SH3PXD2A: variants seen among roughly 807,000 people sequenced by gnomAD.
SH3PXD2A encodes SH3 and PX domain-containing protein 2A.
In SH3PXD2A, 32 loss-of-function variants were observed where a neutral mutation model predicts 115.2. The observed-to-expected ratio is 0.28, with a 90% CI of 0.21 to 0.37. SH3PXD2A has a LOEUF of 0.37. SH3PXD2A is among the 10% of genes least tolerant of loss of function. The pLI is 1.00. For synonymous variants in SH3PXD2A, 610 were observed against 629.1 expected, an observed-to-expected ratio of 0.97 and a Z score of 0.45; for missense variants, 1,328 against 1,498.7, an observed-to-expected ratio of 0.89 and a Z score of 1.88.
Position 103,855,246 on chromosome 10 carries a change from C to G in SH3PXD2A, c.21G>C (p.Gln7His). The part of the protein sequence containing the change: MLAYCV[Q>H]DATVVDVEKR... ...TCTCCACGTCCACCACGGTGGCATC[C>G]TGCACGCAGTAGGCGAGCATCTTCC... Residue 7 changes from glutamine (Q) to histidine (H), a missense_variant, in exon 1 of 15, where the codon CAG becomes CAC. Coordinates refer to ENST00000369774, the MANE Select transcript of SH3PXD2A (RefSeq NM_001394015.1). The G allele has an allele frequency of 6.5e-7, 1 of 1,536,004 alleles. No homozygotes were observed. The highest frequency in any genetic ancestry group is 8.8e-7 in the Non-Finnish European group (1 of 1,139,458).
At chr10:103,671,668 C>A (rs2134084408) in intron 6 of SH3PXD2A, among the ~76,000 whole-genome samples, 1 of 152,160 alleles carries the variant, frequency 6.6e-6, no homozygotes, top group Non-Finnish European at 1.5e-5. Flanking sequence ...CCCTGGCTCA[C>A]AAACCCTGGC....
chr10:103,826,443 G>A (rs1328448658), intron 1 of SH3PXD2A, among the ~76,000 whole-genome samples: 5 of 152,176 alleles, frequency 3.3e-5, no homozygotes, highest in Admixed American at 6.5e-5. Flanking sequence ...CCTTAAGGAG[G>A]CTGCACCTGT....
At chr10:103,710,725 A>C (rs1208450254) in intron 5 of SH3PXD2A, among the ~76,000 whole-genome samples, 1 of 152,060 alleles carries the variant, frequency 6.6e-6, no homozygotes, top group Non-Finnish European at 1.5e-5. Flanking sequence ...TATTGGGGTG[A>C]GAGGTGGGGA....
chr10:103,611,967 G>GC (rs1243393985), intron 12 of SH3PXD2A, among the ~76,000 whole-genome samples: 29 of 152,312 alleles, frequency 1.9e-4, no homozygotes, highest in Non-Finnish European at 3.4e-4. Flanking sequence ...GACCATGTCT[G>GC]TTTTTTGCTT....
At chr10:103,808,199 C>T (rs1468239332) in intron 1 of SH3PXD2A, among the ~76,000 whole-genome samples, 1 of 152,048 alleles carries the variant, frequency 6.6e-6, no homozygotes, top group East Asian at 1.9e-4. Context: ...TGCTGTGGCC[C>T]ACTGCACACC....
chr10:103,766,416 A>G (rs2038755086), intron 3 of SH3PXD2A, among the ~76,000 whole-genome samples: 1 of 152,198 alleles, frequency 6.6e-6, no homozygotes, highest in South Asian at 2.1e-4. Context: ...CAGCTCTGCC[A>G]CTTTTACGGG....
At position 103,596,259 on chromosome 10, in the gene SH3PXD2A, T is replaced by A. The variant is rs923355699; in HGVS notation, c.*5557A>T. Reference sequence around the variant, plus strand: ...GAGGGGTGGGAGTCAGCCTGCTCGATGACACGTCTGCAGGGGATGACCTAA... The same window carrying A: ...GAGGGGTGGGAGTCAGCCTGCTCGAAGACACGTCTGCAGGGGATGACCTAA... On this transcript the variant is annotated 3_prime_UTR_variant, in exon 15 of 15. Coordinates refer to ENST00000369774, the MANE Select transcript of SH3PXD2A (RefSeq NM_001394015.1). The A allele has an allele frequency of 1.3e-5, 2 of 152,446 alleles. No individual in the cohort carries two copies. Among genetic ancestry groups the A allele is most frequent in the African/African-American group, 4.8e-5 (2 of 41,418 alleles). The allele number at this position is 152,446 out of a possible 1,614,324, so 9.4% of individuals were successfully genotyped here. A position where few individuals can be genotyped will look rare whatever the true frequency, so the allele number is the denominator to read the frequency against.
chr10:103,698,595 G>GC (rs2037854437), intron 5 of SH3PXD2A, among the ~76,000 whole-genome samples: 1 of 152,178 alleles, frequency 6.6e-6, no homozygotes, highest in Non-Finnish European at 1.5e-5. Flanking sequence ...TGCAACCTTG[G>GC]CCAGGGGAGT....
intron 12 of SH3PXD2A, 71 bp downstream of exon 12, chr10:103,612,780 GGC>G: frequency 9.1e-7 from 1 of 1,094,160 alleles, no homozygotes; most frequent in Non-Finnish European, 1.3e-6. Flanking sequence ...GCACCCCCCT[GGC>G]TTTCACGGCA....
intron 13 of SH3PXD2A, among the ~76,000 whole-genome samples, chr10:103,606,501 G>A (rs1295291281): frequency 1.2e-5 from 1 of 81,168 alleles, no homozygotes; most frequent in Admixed American, 1.6e-4. Flanking sequence ...CTCTCCCCAC[G>A]GTCTCCCTCT....
chr10:103,643,943 C>T (rs1564852259), intron 8 of SH3PXD2A, among the ~76,000 whole-genome samples: 1 of 151,704 alleles, frequency 6.6e-6, no homozygotes, highest in Non-Finnish European at 1.5e-5. Flanking sequence ...AACCCCATCT[C>T]TACTAAAAAA....
chr10:103,607,711 G>T (rs1408536742), intron 13 of SH3PXD2A, among the ~76,000 whole-genome samples: 1 of 152,198 alleles, frequency 6.6e-6, no homozygotes, highest in Non-Finnish European at 1.5e-5. Flanking sequence ...GAATAGAAAG[G>T]GGGGAAAGGT....
At chr10:103,642,122 G>T (rs1333064444) in intron 8 of SH3PXD2A, among the ~76,000 whole-genome samples, 1 of 150,524 alleles carries the variant, frequency 6.6e-6, no homozygotes, top group African/African-American at 2.4e-5. Flanking sequence ...GTCTGGAAAT[G>T]GACTGTATAT....
intron 9 of SH3PXD2A, among the ~76,000 whole-genome samples, chr10:103,624,999 T>C (rs902125769): frequency 6.6e-6 from 1 of 152,134 alleles, no homozygotes; most frequent in Non-Finnish European, 1.5e-5. Flanking sequence ...AGAATCGCCC[T>C]GGGCACGCAT....
intron 6 of SH3PXD2A, among the ~76,000 whole-genome samples, chr10:103,687,279 C>G (rs1282231694): frequency 6.6e-6 from 1 of 152,158 alleles, no homozygotes; most frequent in Non-Finnish European, 1.5e-5. Context: ...AGCCAGCCCC[C>G]ACAATTGTGT....
In SH3PXD2A at chr10:103,603,433, G is replaced by C. The variant is rs2036251098; in HGVS notation, c.1785C>G (p.Ala595=). ...TGAAGCGGGCCCGCTGCAGAGAAGA[G>C]GCCGGCGAGGGCCGGTGGGGCTGGG... The part of the protein sequence containing the change: ...RPAQPHRPSP[A]SSLQRARFKV... Residue 595 remains alanine, a synonymous_variant, in exon 15 of 15, where the codon GCC becomes GCG. Coordinates refer to ENST00000369774, the MANE Select transcript of SH3PXD2A (RefSeq NM_001394015.1). 1 of 1,613,324 alleles carries C rather than the reference G, an allele frequency of 6.2e-7. No individual in the cohort carries two copies. Among genetic ancestry groups the C allele is most frequent in the Non-Finnish European group, 8.5e-7 (1 of 1,179,696 alleles).
intron 1 of SH3PXD2A, among the ~76,000 whole-genome samples, chr10:103,847,047 G>A (rs1230729470): frequency 6.6e-6 from 1 of 152,222 alleles, no homozygotes; most frequent in Non-Finnish European, 1.5e-5. Flanking sequence ...AAGGTCAGCT[G>A]TTATTTTTAT....
In SH3PXD2A at chr10:103,620,986, T is replaced by C. The variant is rs936237847; in HGVS notation, c.802+1484A>G. Among the ~76,000 whole-genome samples, 2 of 152,124 alleles carry C rather than the reference T, an allele frequency of 1.3e-5. No homozygotes were observed. Among genetic ancestry groups the C allele is most frequent in the African/African-American group, 4.8e-5 (2 of 41,410 alleles). On this transcript the variant is annotated intron_variant, in intron 10 of 14. Coordinates refer to ENST00000369774, the MANE Select transcript of SH3PXD2A (RefSeq NM_001394015.1). The surrounding 1 kb of genome is among the most constrained non-coding windows in gnomAD (Gnocchi z 5.3). ...ACTGTGTATGATGCATTTGTGGTGGTATAAACAGAAGACACATGGCACGGT... is the reference window on the plus strand; with the variant it reads ...ACTGTGTATGATGCATTTGTGGTGGCATAAACAGAAGACACATGGCACGGT...
chr10:103,619,988 T>C (rs993629191), intron 10 of SH3PXD2A, among the ~76,000 whole-genome samples: 17 of 152,206 alleles, frequency 1.1e-4, no homozygotes, highest in African/African-American at 3.9e-4. Flanking sequence ...GGACTTTCCA[T>C]GTGGACACAG....
Sources: allele counts gnomAD v4.1 joint callset (sites outside exome capture counted in the v4.1 genomes callset), GRCh38; gene constraint gnomAD v4.1.1; non-coding constraint Gnocchi (gnomAD v3.1); transcripts MANE v1.5; gene names NCBI Gene and HGNC (gene_info 2026-07-23, HGNC 2026-07-21).